The following EDNRB variants were observed in gnomAD, a reference collection of about 807,000 sequenced individuals.
EDNRB encodes Hirschsprung disease 2.
Under a neutral mutation model 46.4 loss-of-function variants are expected in EDNRB, and 18 were observed. That is an observed-to-expected ratio of 0.39 (90% CI 0.27 to 0.57). EDNRB has a LOEUF of 0.57. Among genes scored for constraint, EDNRB ranks in the 20% least tolerant of loss-of-function variants. The pLI is 0.61. For synonymous variants in EDNRB, 213 were observed against 204.9 expected, an observed-to-expected ratio of 1.04 and a Z score of -0.34; for missense variants, 434 against 537.5, an observed-to-expected ratio of 0.81 and a Z score of 1.90.
intron 1 of EDNRB, among the ~76,000 whole-genome samples, chr13:77,906,317 G>T (rs1206078139): frequency 6.6e-6 from 1 of 151,910 alleles, no homozygotes; most frequent in Admixed American, 6.6e-5. Flanking sequence ...TATCCAACTG[G>T]TTTCAAGGAT....
At chr13:77,929,591 G>T (rs1177550981) in intron 1 of EDNRB, among the ~76,000 whole-genome samples, 3 of 152,108 alleles carry the variant, frequency 2.0e-5, no homozygotes, top group Admixed American at 1.3e-4. Context: ...TTAGATGCTG[G>T]TTCATGCCCT....
Position 77,901,222 on chromosome 13 carries a change from G to C in EDNRB, c.802-15C>G. On this transcript the variant is annotated splice_polypyrimidine_tract_variant and intron_variant, in intron 3 of 6. Coordinates refer to ENST00000646607, the MANE Select transcript of EDNRB (RefSeq NM_001122659.3). ...GTCTTGTAAAACTATAGGGATGAGA[G>C]AATTTTTACGATTAATACTCCTCTG... The C allele has an allele frequency of 6.2e-7, 1 of 1,608,542 alleles. No homozygotes were observed. Among genetic ancestry groups the C allele is most frequent in the African/African-American group, 1.3e-5 (1 of 74,738 alleles).
At chr13:77,955,047 G>A (rs1418183410) in intron 1 of EDNRB, among the ~76,000 whole-genome samples, 1 of 152,102 alleles carries the variant, frequency 6.6e-6, no homozygotes, top group Non-Finnish European at 1.5e-5. Context: ...CCTCCATACT[G>A]TTTTCTACAG....
At chr13:77,922,183 T>G (rs1880105826), upstream of EDNRB, among the ~76,000 whole-genome samples, 1 of 152,108 alleles carries the variant, frequency 6.6e-6, no homozygotes, top group Non-Finnish European at 1.5e-5. Flanking sequence ...TTTTAAACGT[T>G]TATGAAGTGT....
chr13:77,960,439 A>G (rs963604882), intron 1 of EDNRB, among the ~76,000 whole-genome samples: 5 of 152,190 alleles, frequency 3.3e-5, no homozygotes, highest in African/African-American at 7.2e-5. Flanking sequence ...AGCCAAACTA[A>G]GCTTCATAAG....
chr13:77,908,979 G>C (rs750555643), intron 1 of EDNRB, among the ~76,000 whole-genome samples: 47 of 151,976 alleles, frequency 3.1e-4, no homozygotes, highest in Non-Finnish European at 6.3e-4. Flanking sequence ...CTGAATAGCT[G>C]TTGTTAGTGT....
At chr13:77,944,193 A>T (rs937925501) in intron 1 of EDNRB, among the ~76,000 whole-genome samples, 3 of 152,132 alleles carry the variant, frequency 2.0e-5, no homozygotes, top group Non-Finnish European at 4.4e-5. Context: ...ACCAGACATA[A>T]AGATGGCCAA....
At chr13:77,922,420 A>C (rs1880111434), upstream of EDNRB, among the ~76,000 whole-genome samples, 1 of 152,202 alleles carries the variant, frequency 6.6e-6, no homozygotes, top group Non-Finnish European at 1.5e-5. Context: ...CCTTTTAGCC[A>C]CACAAAAAAG....
intron 6 of EDNRB, among the ~76,000 whole-genome samples, chr13:77,898,846 T>C (rs1444431034): frequency 1.3e-5 from 2 of 151,994 alleles, no homozygotes; most frequent in African/African-American, 4.8e-5. Context: ...ACCTGCTTTT[T>C]CTCACTTGAC....
chr13:77,908,416 G>T (rs1478442731), intron 1 of EDNRB, among the ~76,000 whole-genome samples: 1 of 80,300 alleles, frequency 1.2e-5, no homozygotes, highest in African/African-American at 4.6e-5. Context: ...GAAAAACTAT[G>T]AAGTTTTGCC....
intron 1 of EDNRB, among the ~76,000 whole-genome samples, chr13:77,932,978 T>G (rs969233710): frequency 3.9e-5 from 6 of 152,238 alleles, no homozygotes; most frequent in Non-Finnish European, 7.3e-5. Context: ...AAGCAAACTT[T>G]GCTATTTTGC....
chr13:77,934,572 G>A (rs1314868665), intron 1 of EDNRB, among the ~76,000 whole-genome samples: 4 of 151,472 alleles, frequency 2.6e-5, no homozygotes, highest in South Asian at 2.1e-4. Context: ...TAGTGAAAGT[G>A]TCTACTCAGA....
At position 77,901,213 on chromosome 13, in the gene EDNRB, G is replaced by T; in HGVS notation, c.802-6C>A. On this transcript the variant is annotated splice_region_variant and splice_polypyrimidine_tract_variant and intron_variant, in intron 3 of 6. Transcript: ENST00000646607. Reference sequence around the variant, plus strand: ...TCTTTTGCTGTCTTGTAAAACTATAGGGATGAGAGAATTTTTACGATTAAT... The same window carrying T: ...TCTTTTGCTGTCTTGTAAAACTATATGGATGAGAGAATTTTTACGATTAAT... The T allele has an allele frequency of 6.2e-7, 1 of 1,609,670 alleles. No individual in the cohort carries two copies. The highest frequency in any genetic ancestry group is 1.1e-5 in the South Asian group (1 of 90,986).
intron 1 of EDNRB, among the ~76,000 whole-genome samples, chr13:77,911,611 T>C (rs1344947749): frequency 6.6e-6 from 1 of 151,990 alleles, no homozygotes; most frequent in African/African-American, 2.4e-5. Context: ...ATTTTGCTAA[T>C]AAATTTCTGA....
At chr13:77,973,479 G>T (rs1317086085) in intron 1 of EDNRB, among the ~76,000 whole-genome samples, 1 of 151,930 alleles carries the variant, frequency 6.6e-6, no homozygotes, top group African/African-American at 2.4e-5. Context: ...TTAATGTCCA[G>T]TTTACAGAAA....
intron 1 of EDNRB, among the ~76,000 whole-genome samples, chr13:77,969,620 G>A (rs1197029352): frequency 1.3e-5 from 2 of 152,146 alleles, no homozygotes; most frequent in African/African-American, 2.4e-5. Context: ...AGGCTGATCC[G>A]AGGCCCCTGT....
At chr13:77,935,875 G>T (rs1880546633) in intron 1 of EDNRB, among the ~76,000 whole-genome samples, 1 of 152,184 alleles carries the variant, frequency 6.6e-6, no homozygotes, top group East Asian at 1.9e-4. Flanking sequence ...ATATGGGTTT[G>T]GCACCATGGG....
intron 3 of EDNRB, 62 bp downstream of exon 3, chr13:77,903,094 G>C: frequency 6.3e-7 from 1 of 1,574,882 alleles, no homozygotes; most frequent in East Asian, 2.3e-5. Flanking sequence ...GGGAACAGGG[G>C]AAAAATAGCT....
At chr13:77,973,857 A>C (rs951114740) in intron 1 of EDNRB, among the ~76,000 whole-genome samples, 15 of 151,962 alleles carry the variant, frequency 9.9e-5, no homozygotes, top group African/African-American at 3.6e-4. Context: ...TTCTTTCTTT[A>C]AACAACCAGC....
Sources: gnomAD v4.1 joint callset for allele counts (sites outside exome capture counted in the v4.1 genomes callset) on GRCh38, gnomAD v4.1.1 for gene constraint, MANE v1.5 for transcripts, NCBI Gene and HGNC (gene_info 2026-07-23, HGNC 2026-07-21) for gene names.